The following PLXNA2 variants were observed in gnomAD, a reference collection of about 807,000 sequenced individuals.
PLXNA2 encodes plexin A2.
A neutral mutation model predicts 193.5 loss-of-function variants in PLXNA2; 91 were observed. The ratio of observed to expected loss-of-function variants is 0.47; its 90% CI spans 0.40 to 0.56. PLXNA2 has a LOEUF of 0.56. Among genes scored for constraint, PLXNA2 ranks in the 20% least tolerant of loss-of-function variants. The pLI is 0.00. For missense variants in PLXNA2, 1,995 were observed against 2,503.2 expected (o/e 0.80, Z 4.33); for synonymous variants, 997 against 1,027.3 (o/e 0.97, Z 0.56).
intron 3 of PLXNA2, among the ~76,000 whole-genome samples, chr1:208,196,867 A>G (rs539231200): frequency 6.6e-6 from 1 of 152,318 alleles, no homozygotes; most frequent in African/African-American, 2.4e-5. Context: ...AGATGTTGGA[A>G]AAGAAAGCTA....
chr1:208,038,316 AG>A lies in PLXNA2; in HGVS notation c.4764+54del. ...CTTTTGAGGCCTTAGAGCAAGGCTT[AG>A]CGGGAAGGGAACATTCTGGGAAGCT... On this transcript the variant is annotated intron_variant, in intron 26 of 31. Coordinates refer to ENST00000367033, the MANE Select transcript of PLXNA2 (RefSeq NM_025179.4). This position sits in a 1 kb window ranked among gnomAD's most constrained non-coding sequence, Gnocchi z 4.1. 2 of 1,233,734 alleles carry A rather than the reference AG, an allele frequency of 1.6e-6. No homozygotes were observed. Among genetic ancestry groups the A allele is most frequent in the South Asian group, 2.4e-5 (2 of 83,538 alleles). 76.4% of individuals were successfully genotyped at this position (1,233,734 alleles called of 1,614,324 possible).
chr1:208,099,581 GT>G (rs1017617306), intron 5 of PLXNA2, among the ~76,000 whole-genome samples: 2 of 151,942 alleles, frequency 1.3e-5, no homozygotes, highest in African/African-American at 4.8e-5. Flanking sequence ...TTGTTTGTTT[GT>G]TTTTTTGAGA....
chr1:208,212,437 A>G (rs1033118710), intron 2 of PLXNA2, among the ~76,000 whole-genome samples: 3 of 152,188 alleles, frequency 2.0e-5, no homozygotes, highest in Non-Finnish European at 2.9e-5. Flanking sequence ...AGGAAATAAA[A>G]CAAATTTTTA....
At chr1:208,113,128 G>C (rs1287206428) in intron 4 of PLXNA2, among the ~76,000 whole-genome samples, 1 of 151,996 alleles carries the variant, frequency 6.6e-6, no homozygotes, top group African/African-American at 2.4e-5. Flanking sequence ...TTGGGAACTA[G>C]GGCCTAAGAA....
intron 3 of PLXNA2, among the ~76,000 whole-genome samples, chr1:208,152,896 C>CTTA (rs148737741): frequency 0.012 from 1,761 of 152,164 alleles, 46 homozygotes; most frequent in East Asian, 0.089. Flanking sequence ...CCTTCAAGGC[C>CTTA]TTATCCAAAT....
intron 2 of PLXNA2, among the ~76,000 whole-genome samples, chr1:208,213,469 T>C (rs1671027813): frequency 6.6e-6 from 1 of 152,176 alleles, no homozygotes; most frequent in South Asian, 2.1e-4. Flanking sequence ...ATCTGTAAAA[T>C]GGGGAAGATA....
chr1:208,097,004 G>T, intron 6 of PLXNA2, 121 bp from the exon 7 acceptor site: 1 of 824,416 alleles, frequency 1.2e-6, no homozygotes, highest in Non-Finnish European at 1.8e-6. Flanking sequence ...ATAAAAGAAG[G>T]ATGTTGGTCT....
intron 3 of PLXNA2, among the ~76,000 whole-genome samples, chr1:208,167,203 C>A (rs563832739): frequency 1.3e-5 from 2 of 152,056 alleles, no homozygotes; most frequent in South Asian, 4.2e-4. Context: ...CTGACTATGG[C>A]GATTTTATAT....
chr1:208,030,123 A>G, intron 29 of PLXNA2: 1 of 985,540 alleles, frequency 1.0e-6, no homozygotes, highest in South Asian at 4.7e-5. Flanking sequence ...CCTATCTTCC[A>G]AAACACAACA....
intron 4 of PLXNA2, among the ~76,000 whole-genome samples, chr1:208,125,307 A>G (rs1200930582): frequency 6.6e-6 from 1 of 152,192 alleles, no homozygotes; most frequent in African/African-American, 2.4e-5. Context: ...TGGACTTCCC[A>G]TGGCTACTGC....
At chr1:208,127,052 A>T (rs1288616897) in intron 4 of PLXNA2, among the ~76,000 whole-genome samples, 1 of 152,258 alleles carries the variant, frequency 6.6e-6, no homozygotes, top group Non-Finnish European at 1.5e-5. Context: ...GGCCAAGAAG[A>T]GAGCTTGGGA....
At position 208,038,957 on chromosome 1, in the gene PLXNA2, C is replaced by T. The variant is rs1389563847; in HGVS notation, c.4528G>A (p.Glu1510Lys). 4.3e-5 allele frequency: 70 copies of T among 1,613,880 alleles called. No individual in the cohort carries two copies. Among genetic ancestry groups the T allele is most frequent in the Non-Finnish European group, 5.5e-5 (65 of 1,179,962 alleles). ...TTCACTGGGATCTCTGGACTGTTCT[C>T]GTTGTCAGGGTTGACGCAGTTCAGG... ...LILNCVNPDN[E>K]NSPEIPVKVL... The change falls in exon 25 of 32, where the codon GAG becomes AAG. Residue 1510 changes from glutamate to lysine, a missense_variant. By Grantham distance (56) the Glu-to-Lys change is moderately conservative. Coordinates refer to ENST00000367033, the MANE Select transcript of PLXNA2 (RefSeq NM_025179.4). This position sits in a 1 kb window ranked among gnomAD's most constrained non-coding sequence, Gnocchi z 4.1.
chr1:208,080,449 C>A (rs143660239), intron 11 of PLXNA2, among the ~76,000 whole-genome samples: 33 of 152,266 alleles, frequency 2.2e-4, no homozygotes, highest in African/African-American at 7.7e-4. Context: ...AAGTAGAATT[C>A]TCCAAAAGCA....
chr1:208,127,673 G>A (rs796741397), intron 4 of PLXNA2, among the ~76,000 whole-genome samples: 36 of 152,284 alleles, frequency 2.4e-4, no homozygotes, highest in African/African-American at 8.7e-4. Context: ...AGGATGAAGG[G>A]AAAAGGATGA....
intron 1 of PLXNA2, among the ~76,000 whole-genome samples, chr1:208,222,994 C>T (rs1558253621): frequency 6.6e-6 from 1 of 152,046 alleles, no homozygotes; most frequent in Non-Finnish European, 1.5e-5. Flanking sequence ...ATTACTACTG[C>T]ACCTACTAGG....
At chr1:208,208,028 G>A (rs958468909) in intron 3 of PLXNA2, among the ~76,000 whole-genome samples, 1 of 152,262 alleles carries the variant, frequency 6.6e-6, no homozygotes, top group African/African-American at 2.4e-5. Flanking sequence ...ATAAGGCCAG[G>A]AGAACTTGGC....
At chr1:208,075,127 A>T (rs371742839) in intron 12 of PLXNA2, among the ~76,000 whole-genome samples, 2 of 152,316 alleles carry the variant, frequency 1.3e-5, no homozygotes, top group East Asian at 3.9e-4. Context: ...CCTGGCCAAC[A>T]TAGTGAAACC....
intron 5 of PLXNA2, among the ~76,000 whole-genome samples, chr1:208,101,070 T>A (rs1336858505): frequency 6.6e-6 from 1 of 152,242 alleles, no homozygotes; most frequent in Non-Finnish European, 1.5e-5. Context: ...TTTAAGTGAA[T>A]CCTTAAGATA....
intron 3 of PLXNA2, among the ~76,000 whole-genome samples, chr1:208,209,252 C>T (rs1426166467): frequency 6.6e-6 from 1 of 152,162 alleles, no homozygotes; most frequent in East Asian, 1.9e-4. Context: ...TAATTCAGAA[C>T]AAGCAGAACA....
Sources: gnomAD v4.1 joint callset for allele counts (sites outside exome capture counted in the v4.1 genomes callset) on GRCh38, gnomAD v4.1.1 for gene constraint, Gnocchi (gnomAD v3.1) non-coding constraint, MANE v1.5 for transcripts, NCBI Gene and HGNC (gene_info 2026-07-23, HGNC 2026-07-21) for gene names.